The following FMN2 variants were observed in gnomAD, a reference collection of about 807,000 sequenced individuals.
The protein encoded by FMN2 is formin-2.
A neutral mutation model predicts 142.3 loss-of-function variants in FMN2; 51 were observed. That is an observed-to-expected ratio of 0.36 (90% CI 0.29 to 0.45). The LOEUF (loss-of-function observed/expected upper bound fraction) is 0.45, where lower values mean the gene tolerates loss of function less well. Among genes scored for constraint, FMN2 ranks in the 20% least tolerant of loss-of-function variants. The pLI, the probability that FMN2 is intolerant of heterozygous loss-of-function variation, is 1.00. For missense variants in FMN2, 1,936 were observed against 2,122.8 expected (o/e 0.91, Z 1.73); for synonymous variants, 882 against 869.8 (o/e 1.01, Z -0.25).
intron 2 of FMN2, chr1:240,144,454 A>C: frequency 6.3e-7 from 1 of 1,581,674 alleles, no homozygotes; most frequent in Non-Finnish European, 8.7e-7. Flanking sequence ...TGACATCTTC[A>C]CTCAGCTCCA....
intron 8 of FMN2, among the ~76,000 whole-genome samples, chr1:240,317,423 G>A (rs929208171): frequency 3.3e-5 from 5 of 151,986 alleles, no homozygotes; most frequent in African/African-American, 1.2e-4. Context: ...CCTAACCCCT[G>A]GTAGTTAATA....
At position 240,143,796 on chromosome 1, in the gene FMN2, C is replaced by G. The variant is rs1372220115; in HGVS notation, c.1782+20451C>G. The stretch of plus-strand genomic sequence containing the variant: ...GAAGTTACATCTCCATTGCAGGACC[C>G]CACTGCTATCATTCCACAGGCTAGA... On this transcript the variant is annotated intron_variant, in intron 2 of 17. Transcript: ENST00000319653. The G allele has an allele frequency of 2.0e-6, 3 of 1,511,464 alleles. No homozygotes were observed. In the African/African-American group the frequency reaches 4.1e-5, roughly 21 times the overall value. 93.6% of individuals were successfully genotyped at this position (1,511,464 alleles called of 1,614,324 possible).
At chr1:240,186,216 ACTCT>A (rs1471556655) in intron 3 of FMN2, among the ~76,000 whole-genome samples, 1 of 151,906 alleles carries the variant, frequency 6.6e-6, no homozygotes, top group Non-Finnish European at 1.5e-5. Flanking sequence ...TAAAATCCTT[ACTCT>A]CTCTTTCTCT....
At chr1:240,300,638 A>G (rs550993149) in intron 8 of FMN2, among the ~76,000 whole-genome samples, 25 of 152,222 alleles carry the variant, frequency 1.6e-4, no homozygotes, top group Non-Finnish European at 3.2e-4. Context: ...AGAGACATAT[A>G]TAACTTACCT....
intron 2 of FMN2, among the ~76,000 whole-genome samples, chr1:240,156,143 A>G (rs772710123): frequency 2.0e-5 from 3 of 152,092 alleles, no homozygotes; most frequent in Non-Finnish European, 2.9e-5. Context: ...CCCAGCTACT[A>G]GGAAGGCTGA....
intron 15 of FMN2, among the ~76,000 whole-genome samples, chr1:240,434,044 A>G (rs1675270993): frequency 6.6e-6 from 1 of 152,204 alleles, no homozygotes; most frequent in Non-Finnish European, 1.5e-5. Flanking sequence ...TAATGTTTGT[A>G]ACAAAAGACG....
intron 16 of FMN2, among the ~76,000 whole-genome samples, chr1:240,445,497 G>T (rs1558111098): frequency 1.3e-5 from 2 of 152,150 alleles, no homozygotes; most frequent in South Asian, 4.1e-4. Context: ...GCACAGTGGG[G>T]AGGGTGTAAT....
At chr1:240,450,259 A>G (rs1187043870) in intron 16 of FMN2, among the ~76,000 whole-genome samples, 2 of 152,228 alleles carry the variant, frequency 1.3e-5, no homozygotes, top group Non-Finnish European at 2.9e-5. Flanking sequence ...AATTATAACT[A>G]TAATTTATTA....
intron 4 of FMN2, among the ~76,000 whole-genome samples, chr1:240,195,099 A>G (rs1479184685): frequency 1.3e-5 from 2 of 152,152 alleles, no homozygotes; most frequent in African/African-American, 4.8e-5. Context: ...GGTCCTCATT[A>G]TTCTTGGATT....
In FMN2 at chr1:240,156,415, T is replaced by C. The variant is rs1470138733; in HGVS notation, c.1783-21506T>C. Among the ~76,000 whole-genome samples, 4 of 152,352 alleles carry C rather than the reference T, an allele frequency of 2.6e-5. 1 individual carries two copies. Among genetic ancestry groups the C allele is most frequent in the African/African-American group, 4.8e-5 (2 of 41,586 alleles). On this transcript the variant is annotated intron_variant, in intron 2 of 17. Transcript: ENST00000319653. ...CTTAAAATTTATTGATTGCCTTCTC[T>C]TAAGATGTCTCGGCAGAGGCATTTC...
intron 6 of FMN2, among the ~76,000 whole-genome samples, chr1:240,232,388 CCT>C (rs1667558313): frequency 6.6e-6 from 1 of 152,062 alleles, no homozygotes; most frequent in Admixed American, 6.6e-5. Flanking sequence ...CTGCACTCAG[CCT>C]CTTTTTCTTA....
intron 2 of FMN2, among the ~76,000 whole-genome samples, chr1:240,145,817 C>T (rs1173939462): frequency 1.3e-5 from 2 of 151,834 alleles, no homozygotes; most frequent in African/African-American, 2.4e-5. Context: ...GACAATGAGG[C>T]GATTTTCATA....
intron 13 of FMN2, chr1:240,341,559 C>T (rs1671742119): frequency 1.3e-5 from 2 of 152,128 alleles, no homozygotes; most frequent in African/African-American, 2.4e-5. Context: ...AACACAGCCA[C>T]GCCCAATCAT....
chr1:240,217,055 T>A (rs1666931595), intron 6 of FMN2, among the ~76,000 whole-genome samples: 1 of 152,250 alleles, frequency 6.6e-6, no homozygotes, highest in African/African-American at 2.4e-5. Flanking sequence ...GTAAGTGTTC[T>A]TACGGGAAGC....
intron 15 of FMN2, among the ~76,000 whole-genome samples, chr1:240,394,610 G>A (rs1269971398): frequency 6.6e-6 from 1 of 152,178 alleles, no homozygotes; most frequent in Non-Finnish European, 1.5e-5. Context: ...AACATCTTCT[G>A]TTGGAAGAAG....
At chr1:240,168,323 C>T (rs987967317) in intron 2 of FMN2, among the ~76,000 whole-genome samples, 4 of 152,144 alleles carry the variant, frequency 2.6e-5, no homozygotes, top group Admixed American at 1.3e-4. Context: ...CACAGTGGCT[C>T]ACGCCTGGAA....
At chr1:240,195,516 A>T (rs1203037073) in intron 4 of FMN2, among the ~76,000 whole-genome samples, 1 of 152,230 alleles carries the variant, frequency 6.6e-6, no homozygotes, top group African/African-American at 2.4e-5. Context: ...TCAGCAATAT[A>T]TATTAAATAA....
chr1:240,467,421 C>T (rs936792976), intron 16 of FMN2, among the ~76,000 whole-genome samples: 1 of 151,972 alleles, frequency 6.6e-6, no homozygotes, highest in East Asian at 1.9e-4. Context: ...GCACCCACCA[C>T]CACGCCTGGC....
intron 6 of FMN2, among the ~76,000 whole-genome samples, chr1:240,223,369 T>C (rs1387240909): frequency 1.3e-5 from 2 of 152,226 alleles, no homozygotes; most frequent in Non-Finnish European, 2.9e-5. Context: ...TTTGATTTGC[T>C]GCTGGATTCG....
Sources: gnomAD v4.1 joint callset for allele counts (sites outside exome capture counted in the v4.1 genomes callset) on GRCh38, gnomAD v4.1.1 for gene constraint, MANE v1.5 for transcripts, NCBI Gene and HGNC (gene_info 2026-07-23, HGNC 2026-07-21) for gene names.